The following DMC1 variants were observed in gnomAD, a reference collection of about 807,000 sequenced individuals.
The protein encoded by DMC1 is DNA meiotic recombinase 1, also known as meiotic recombination protein DMC1 homolog.
In DMC1, 27 loss-of-function variants were observed where a neutral mutation model predicts 50.1. The ratio of observed to expected loss-of-function variants is 0.54; its 90% CI spans 0.40 to 0.74. The LOEUF (loss-of-function observed/expected upper bound fraction) is 0.74. DMC1 is among the 30% of genes least tolerant of loss of function. The probability of loss-of-function intolerance (pLI) is 0.00; values close to 1 mark genes in which losing one functional copy is unlikely to be tolerated. For synonymous variants in DMC1, 148 were observed against 136.1 expected (o/e 1.09, Z -0.61); for missense variants, 295 against 420.2 (o/e 0.70, Z 2.60).
chr22:38,525,733 G>T (rs1329645622), intron 12 of DMC1, among the ~76,000 whole-genome samples: 2 of 152,134 alleles, frequency 1.3e-5, no homozygotes. Flanking sequence ...TTGAGCCCAG[G>T]AGTTCAAGAC....
At chr22:38,537,362 C>T (rs1307288557) in intron 12 of DMC1, among the ~76,000 whole-genome samples, 9 of 152,072 alleles carry the variant, frequency 5.9e-5, no homozygotes, top group Non-Finnish European at 1.3e-4. Flanking sequence ...TACAGGTGTG[C>T]GCCACCACAC....
At chr22:38,525,988 GAAAA>G (rs1417026452) in intron 12 of DMC1, among the ~76,000 whole-genome samples, 1 of 151,618 alleles carries the variant, frequency 6.6e-6, no homozygotes, top group Admixed American at 6.6e-5. Context: ...GAAAAAAAAA[GAAAA>G]AGAAAGATAT....
chr22:38,538,452 G>A, intron 10 of DMC1, 43 bp from the exon 11 acceptor site: 1 of 1,606,228 alleles, frequency 6.2e-7, no homozygotes, highest in Non-Finnish European at 8.5e-7. Flanking sequence ...TTTGGAAATT[G>A]AAGGAAGACG....
Position 38,567,645 on chromosome 22 carries a change from G to GA in DMC1, c.52-19dup, listed in dbSNP as rs778535746. On this transcript the variant is annotated intron_variant, in intron 2 of 13. Transcript: ENST00000216024. ...AAAGATTCCTAAAGGAGATGAAACA[G>GA]AAAAAATGAAGTTTTGATTCTTCAT... 1.3e-5 allele frequency: 20 copies of GA among 1,589,126 alleles called. No individual in the cohort carries two copies. In the South Asian group the frequency reaches 1.7e-4, roughly 13 times the overall value.
intron 11 of DMC1, 118 bp downstream of exon 11, chr22:38,538,177 C>A: frequency 1.2e-6 from 1 of 800,866 alleles, no homozygotes; most frequent in Non-Finnish European, 2.1e-6. Context: ...GTTGTATTCT[C>A]ATAAAGGTAA....
downstream of DMC1, among the ~76,000 whole-genome samples, chr22:38,514,398 T>G (rs1251951929): frequency 6.6e-6 from 1 of 151,504 alleles, no homozygotes; most frequent in Non-Finnish European, 1.5e-5. Context: ...GCATGCAACA[T>G]GACGCCCAGC....
At chr22:38,553,497 CAAAA>C (rs372645739) in intron 6 of DMC1, among the ~76,000 whole-genome samples, 1 of 46,992 alleles carries the variant, frequency 2.1e-5, no homozygotes. Flanking sequence ...GACTCCGTCT[CAAAA>C]AAAAAAAAAA....
chr22:38,509,732 C>T, the DMC1 span, among the ~76,000 whole-genome samples: 40 of 152,074 alleles, frequency 2.6e-4, no homozygotes, highest in East Asian at 6.8e-3. Flanking sequence ...TGCAATGGCG[C>T]GATCTTGGTT....
chr22:38,527,801 G>A (rs2090109529), intron 12 of DMC1, among the ~76,000 whole-genome samples: 1 of 152,030 alleles, frequency 6.6e-6, no homozygotes, highest in African/African-American at 2.4e-5. Flanking sequence ...TTACAGGTGT[G>A]AGCCACCATG....
In DMC1 at chr22:38,557,956, C is replaced by CTTTTTTTTTTTTTTTTT. The variant is rs753724944; in HGVS notation, c.327-2564_327-2548dup. Reference sequence around the variant, plus strand: ...AATAATTAGATAATTAGACAAAGTTCTTTTTTTTTTTTTTTTTTTTTTTTG... The same window carrying CTTTTTTTTTTTTTTTTT: ...AATAATTAGATAATTAGACAAAGTTCTTTTTTTTTTTTTTTTTTTTTTTTTTTTTTTTTTTTTTTTTG... On this transcript the variant is annotated intron_variant, in intron 5 of 13. Coordinates refer to ENST00000216024, the MANE Select transcript of DMC1 (RefSeq NM_007068.4). Among the ~76,000 whole-genome samples, 21 of 62,696 alleles carry CTTTTTTTTTTTTTTTTT rather than the reference C, an allele frequency of 3.3e-4. 2 individuals carry two copies. The highest frequency in any genetic ancestry group is 6.2e-4 in the African/African-American group (10 of 16,068). 41.1% of individuals were successfully genotyped at this position (62,696 alleles called of 152,430 possible). A position where few individuals can be genotyped will look rare whatever the true frequency, so the allele number is the denominator to read the frequency against.
intron 12 of DMC1, among the ~76,000 whole-genome samples, chr22:38,533,361 A>G (rs1414633607): frequency 1.4e-5 from 2 of 147,502 alleles, no homozygotes; most frequent in Non-Finnish European, 3.0e-5. Context: ...GCGCCATTGC[A>G]CTTCAGCCTG....
chr22:38,515,127 A>T (rs1212172540), downstream of DMC1, among the ~76,000 whole-genome samples: 3 of 149,638 alleles, frequency 2.0e-5, no homozygotes, highest in African/African-American at 7.3e-5. Flanking sequence ...CAGCCTCCCA[A>T]AGTGTTGGGA....
rs2090382335 is a variant in DMC1 at position 38,549,663 on chromosome 22, T to A, written c.494+262A>T. ...TTTTTCTAACTATTAAGCAACATCTTTAGAGAAGTAAGAGGATTAAAAATG... is the reference window on the plus strand; with the variant it reads ...TTTTTCTAACTATTAAGCAACATCTATAGAGAAGTAAGAGGATTAAAAATG... On this transcript the variant is annotated intron_variant, in intron 8 of 13. Coordinates refer to ENST00000216024, the MANE Select transcript of DMC1 (RefSeq NM_007068.4). 7.9e-6 allele frequency: 3 copies of A among 381,504 alleles called. No homozygotes were observed. The Admixed American group carries it at 1.3e-4, about 17-fold the overall frequency. 23.6% of individuals were successfully genotyped at this position (381,504 alleles called of 1,614,324 possible).
intron 7 of DMC1, among the ~76,000 whole-genome samples, chr22:38,551,856 C>CTTTTT (rs71761663): frequency 3.9e-3 from 364 of 93,036 alleles, no homozygotes; most frequent in Non-Finnish European, 4.9e-3. Context: ...GAACTCCTTT[C>CTTTTT]TTTTTTTTTT....
the DMC1 span, among the ~76,000 whole-genome samples, chr22:38,512,063 C>T: frequency 5.9e-5 from 9 of 152,074 alleles, no homozygotes; most frequent in African/African-American, 2.2e-4. Flanking sequence ...CAACCTCTGC[C>T]TCCCGGGTTC....
intron 5 of DMC1, 116 bp from the exon 6 acceptor site, chr22:38,555,525 C>A: frequency 1.4e-6 from 1 of 695,432 alleles, no homozygotes; most frequent in South Asian, 1.6e-5. Flanking sequence ...TCTATTCTAT[C>A]ATCTACCTAT....
At chr22:38,533,395 C>CAAAAAAAAA (rs1296043692) in intron 12 of DMC1, among the ~76,000 whole-genome samples, 1 of 38,486 alleles carries the variant, frequency 2.6e-5, no homozygotes, top group Non-Finnish European at 6.0e-5. Context: ...GACTCCATCA[C>CAAAAAAAAA]AAAAAAAAAA....
chr22:38,550,139 G>A lies in DMC1; in HGVS notation c.422-142C>T, dbSNP rs1001133588. 16 of 647,526 alleles carry A rather than the reference G, an allele frequency of 2.5e-5. No individual in the cohort carries two copies. The African/African-American group carries it at 2.9e-4, about 12-fold the overall frequency. 40.1% of individuals were successfully genotyped at this position (647,526 alleles called of 1,614,324 possible). On this transcript the variant is annotated intron_variant, in intron 7 of 13. Transcript: ENST00000216024. ...TGATCCTTTCGTTTCTAAACAACAT[G>A]TTATATTTTCATATTACTTAACCAG...
chr22:38,517,954 C>T (rs560613695), downstream of DMC1, among the ~76,000 whole-genome samples: 2 of 152,094 alleles, frequency 1.3e-5, no homozygotes, highest in African/African-American at 4.8e-5. Context: ...AACCTTTCCC[C>T]TCCCATTTTT....
Sources: allele counts gnomAD v4.1 joint callset (sites outside exome capture counted in the v4.1 genomes callset), GRCh38; gene constraint gnomAD v4.1.1; transcripts MANE v1.5; gene names NCBI Gene and HGNC (gene_info 2026-07-23, HGNC 2026-07-21).